The following ARHGEF3 variants were observed in gnomAD, a reference collection of about 807,000 sequenced individuals.
ARHGEF3 encodes the protein 59.8 kDA protein.
ARHGEF3 carries 28 observed loss-of-function variants against 63.2 expected under a neutral mutation model. The ratio of observed to expected loss-of-function variants is 0.44; its 90% CI spans 0.33 to 0.61. The LOEUF (loss-of-function observed/expected upper bound fraction) is 0.61, where lower values mean the gene tolerates loss of function less well. Among genes scored for constraint, ARHGEF3 ranks in the 20% least tolerant of loss-of-function variants. The pLI, the probability that ARHGEF3 is intolerant of heterozygous loss-of-function variation, is 0.03. For missense variants in ARHGEF3, 533 were observed against 659.3 expected (o/e 0.81, Z 2.10); for synonymous variants, 266 against 254.2 (o/e 1.05, Z -0.44).
intron 3 of ARHGEF3, among the ~76,000 whole-genome samples, chr3:56,939,521 G>C (rs1351060675): frequency 6.6e-6 from 1 of 152,174 alleles, no homozygotes; most frequent in Non-Finnish European, 1.5e-5. Context: ...TAAAACCCCT[G>C]ACTGAACCCC....
Position 56,729,404 on chromosome 3 carries a change from G to GT in ARHGEF3, c.1446dup (p.Leu483ThrfsTer2). The GT allele has an allele frequency of 6.2e-7, 1 of 1,614,102 alleles. No homozygotes were observed. The highest frequency in any genetic ancestry group is 8.5e-7 in the Non-Finnish European group (1 of 1,180,014). On this transcript the variant is annotated frameshift_variant, in exon 10 of 10. Transcript: ENST00000296315. LOFTEE classifies it high-confidence loss of function. ...CTGTCCGATTGGTCCATCTGCTCAA[G>GT]TTTTGTTTCTCCCTGTAGCTCTCTG...
chr3:56,986,808 T>A (rs199650433), intron 2 of ARHGEF3, among the ~76,000 whole-genome samples: 1 of 90,910 alleles, frequency 1.1e-5, no homozygotes, highest in East Asian at 3.3e-4. Context: ...ATGCGAATTT[T>A]GAAAAAAAAA....
At chr3:56,905,740 T>C (rs2041663000) in intron 3 of ARHGEF3, among the ~76,000 whole-genome samples, 1 of 152,278 alleles carries the variant, frequency 6.6e-6, no homozygotes, top group Admixed American at 6.5e-5. Flanking sequence ...CTTTCTAATT[T>C]CTGCCAACAT....
rs368422231 is a variant in ARHGEF3, at chr3:56,864,835, C to T, written c.192+17457G>A. Among the ~76,000 whole-genome samples, 21 of 152,272 alleles carry T rather than the reference C, an allele frequency of 1.4e-4. No individual in the cohort carries two copies. In the East Asian group the frequency reaches 3.9e-3, roughly 28 times the overall value. ...CCTCAGAGAGTGTCTTGATAGCCCC[C>T]TCTTCAGTTATTATATTACATATAA... On this transcript the variant is annotated intron_variant, in intron 4 of 12. Transcript: ENST00000338458.
chr3:56,940,567 G>A lies in ARHGEF3; in HGVS notation c.129+18256C>T, dbSNP rs977982083. On this transcript the variant is annotated intron_variant, in intron 3 of 12. Coordinates refer to the ARHGEF3 transcript ENST00000338458. ...TGTCAGCAGGTTGAAGATGACGTGA[G>A]CTTTCCCTCACAGGTGTCAGGATCT... 3.9e-5 allele frequency: 6 copies of A among 152,258 alleles called. No individual in the cohort carries two copies. In the South Asian group the frequency reaches 1.2e-3, roughly 32 times the overall value. The allele number at this position is 152,258 out of a possible 1,614,324, so 9.4% of individuals were successfully genotyped here.
At chr3:57,010,387 C>G (rs1319671828) in intron 2 of ARHGEF3, among the ~76,000 whole-genome samples, 2 of 146,208 alleles carry the variant, frequency 1.4e-5, no homozygotes, top group Non-Finnish European at 3.0e-5. Flanking sequence ...ACCCAGGAGG[C>G]AGAGCTTGCA....
At chr3:56,860,304 A>G (rs1278380289) in intron 4 of ARHGEF3, among the ~76,000 whole-genome samples, 1 of 151,928 alleles carries the variant, frequency 6.6e-6, no homozygotes, top group Non-Finnish European at 1.5e-5. Context: ...TAGCTTCCTG[A>G]GTAGTGTGCT....
At chr3:56,749,778 T>C (rs3821413) in intron 6 of ARHGEF3, among the ~76,000 whole-genome samples, 84,805 of 152,122 alleles carry the variant, frequency 0.56, 25,932 homozygotes, top group East Asian at 0.85. Flanking sequence ...TTCGGATACC[T>C]TTGGGATATT....
intron 2 of ARHGEF3, among the ~76,000 whole-genome samples, chr3:56,979,755 G>A (rs1701256126): frequency 6.6e-6 from 1 of 152,218 alleles, no homozygotes; most frequent in African/African-American, 2.4e-5. Flanking sequence ...GCCCTTTGTG[G>A]GTGACTCAGT....
At chr3:56,745,568 G>C in intron 6 of ARHGEF3, 106 bp from the exon 7 acceptor site, 1 of 1,330,738 alleles carries the variant, frequency 7.5e-7, no homozygotes, top group Non-Finnish European at 1.0e-6. Context: ...CTGGTCTCTG[G>C]GTCTGGCTGA....
intron 2 of ARHGEF3, chr3:56,977,382 AG>A (rs1420085616): frequency 2.2e-6 from 1 of 454,212 alleles, no homozygotes; most frequent in East Asian, 7.0e-5. Context: ...TCCTGGGAAC[AG>A]GGCCAGCACT....
At position 56,728,498 on chromosome 3, in the gene ARHGEF3, CT is replaced by C. The variant is rs1010931923; in HGVS notation, c.*771del. ...TTATCCTGGCAGGCCTTCCTAAGCC[CT>C]TTGGGTTCTATTCTGATGTTTTAGG... On this transcript the variant is annotated 3_prime_UTR_variant, in exon 10 of 10. Coordinates refer to ENST00000296315, the MANE Select transcript of ARHGEF3 (RefSeq NM_019555.3). 5 of 152,622 alleles carry C rather than the reference CT, an allele frequency of 3.3e-5. No individual in the cohort carries two copies. Among genetic ancestry groups the C allele is most frequent in the African/African-American group, 4.8e-5 (2 of 41,430 alleles). The allele number at this position is 152,622 out of a possible 1,614,324, so 9.5% of individuals were successfully genotyped here.
At chr3:56,923,481 G>A (rs769804819) in intron 3 of ARHGEF3, among the ~76,000 whole-genome samples, 41 of 151,930 alleles carry the variant, frequency 2.7e-4, no homozygotes, top group Non-Finnish European at 5.0e-4. Context: ...TGATTTGACT[G>A]TCAACTGGGC....
At chr3:56,882,209 G>A in intron 4 of ARHGEF3, 1 of 1,358,722 alleles carries the variant, frequency 7.4e-7, no homozygotes, top group South Asian at 1.3e-5. Context: ...CCCACTTCAA[G>A]CACACAGCAT....
At chr3:57,028,255 C>T (rs1025252647) in intron 2 of ARHGEF3, among the ~76,000 whole-genome samples, 1 of 119,280 alleles carries the variant, frequency 8.4e-6, no homozygotes, top group Non-Finnish European at 1.7e-5. Context: ...ATGTTTATTG[C>T]AGCATTATTC....
At chr3:57,030,386 T>C (rs1222189518) in intron 2 of ARHGEF3, among the ~76,000 whole-genome samples, 1 of 152,190 alleles carries the variant, frequency 6.6e-6, no homozygotes, top group Non-Finnish European at 1.5e-5. Context: ...TATATGTATA[T>C]AATCCGTGCC....
rs2107970551 is a variant in ARHGEF3, at chr3:56,801,850, A to G, written c.-52T>C. 6.4e-7 allele frequency: 1 copy of G among 1,551,528 alleles called. No homozygotes were observed. The highest frequency in any genetic ancestry group is 8.7e-7 in the Non-Finnish European group (1 of 1,146,958). ...ATGTCACCGCTGACCCTAGGCGACT[A>G]CAAAACTCCCAGGCAAAAGGGGGCC... On this transcript the variant is annotated 5_prime_UTR_variant, in exon 1 of 10. Coordinates refer to ENST00000296315, the MANE Select transcript of ARHGEF3 (RefSeq NM_019555.3).
rs200383040 is a variant in ARHGEF3 at position 56,925,796 on chromosome 3, A to G, written c.129+33027T>C. On this transcript the variant is annotated intron_variant, in intron 3 of 12. Transcript: ENST00000338458. ...ACTCATTCAGGCAGTGACTGAATAC[A>G]CACTGGCCACAGTGCAGGCACCAAA... Among the ~76,000 whole-genome samples the G allele has an allele frequency of 6.6e-5, 10 of 152,346 alleles. No individual in the cohort carries two copies. The East Asian group carries it at 7.7e-4, about 12-fold the overall frequency.
At chr3:56,830,269 T>C (rs1014462497) in intron 4 of ARHGEF3, among the ~76,000 whole-genome samples, 3 of 152,050 alleles carry the variant, frequency 2.0e-5, no homozygotes, top group African/African-American at 7.2e-5. Flanking sequence ...CTGGTGGGGA[T>C]GGTTGGTGCT....
Sources: gnomAD v4.1 joint callset for allele counts (sites outside exome capture counted in the v4.1 genomes callset) on GRCh38, gnomAD v4.1.1 for gene constraint, MANE v1.5 for transcripts, NCBI Gene and HGNC (gene_info 2026-07-23, HGNC 2026-07-21) for gene names.